The following RFC3 variants were observed in gnomAD, a reference collection of about 807,000 sequenced individuals.
RFC3 encodes replication factor C subunit 3, also known as A1 38 kDa subunit.
A neutral mutation model predicts 45.1 loss-of-function variants in RFC3; 41 were observed. The observed-to-expected ratio is 0.91, with a 90% CI of 0.71 to 1.18. The LOEUF (loss-of-function observed/expected upper bound fraction) is 1.18, where lower values mean the gene tolerates loss of function less well. Among genes scored for constraint, RFC3 ranks in the 50% most tolerant of loss-of-function variants. The probability of loss-of-function intolerance (pLI) is 0.00; values close to 1 mark genes in which losing one functional copy is unlikely to be tolerated. For synonymous variants in RFC3, 149 were observed against 144.0 expected (o/e 1.03, Z -0.25); for missense variants, 423 against 428.1 (o/e 0.99, Z 0.10).
In RFC3 at chr13:33,898,569, A is replaced by G. The variant is rs1443908520; in HGVS notation, c.879+63352A>G. On this transcript the variant is annotated intron_variant, in intron 8 of 8. Transcript: ENST00000434425. ...TATCAATAAAGTAGAAAGACTTTAA[A>G]TAAACAACTTAATGATGTACCTCAA... Among the ~76,000 whole-genome samples the G allele has an allele frequency of 2.0e-5, 3 of 152,002 alleles. No individual in the cohort carries two copies. In the East Asian group the frequency reaches 5.8e-4, roughly 29 times the overall value.
chr13:33,887,988 A>G (rs1017866556), intron 8 of RFC3, among the ~76,000 whole-genome samples: 7 of 152,178 alleles, frequency 4.6e-5, no homozygotes, highest in Admixed American at 3.9e-4. Flanking sequence ...ATTGATCGAC[A>G]TCTCTGTTTT....
chr13:33,947,248 A>C (rs941163830), intron 8 of RFC3, among the ~76,000 whole-genome samples: 8 of 152,160 alleles, frequency 5.3e-5, no homozygotes, highest in African/African-American at 1.9e-4. Context: ...TCTCATGATA[A>C]TGAGTGAGTC....
chr13:33,917,722 C>A (rs2082742030), intron 8 of RFC3, among the ~76,000 whole-genome samples: 1 of 152,046 alleles, frequency 6.6e-6, no homozygotes, highest in Non-Finnish European at 1.5e-5. Context: ...TCTGGGATTG[C>A]AAACCTTTCC....
At chr13:33,949,938 C>A (rs2082978394) in intron 8 of RFC3, among the ~76,000 whole-genome samples, 1 of 152,148 alleles carries the variant, frequency 6.6e-6, no homozygotes, top group Admixed American at 6.5e-5. Context: ...TCCTGGGTCT[C>A]AAGCCTGCTG....
intron 8 of RFC3, among the ~76,000 whole-genome samples, chr13:33,925,020 C>CTATATATATACATATATATAGTGTACA (rs2082794689): frequency 2.7e-5 from 4 of 149,328 alleles, no homozygotes; most frequent in Non-Finnish European, 4.5e-5. Flanking sequence ...AATCATTTCA[C>CTATATATATACATATATATAGTGTACA]TATATATATA....
Position 33,869,238 on chromosome 13 carries a change from A to G in RFC3, c.879+34021A>G, listed in dbSNP as rs146292442. 8.1e-3 allele frequency among the ~76,000 whole-genome samples: 1,241 copies of G among 152,288 alleles called. 13 individuals are homozygous for G. The highest frequency in any genetic ancestry group is 0.012 in the Non-Finnish European group (812 of 68,028). ...TAATGACACAATATCCTTTTGGCAA[A>G]TGCCTTTTCTGCTTCATTAAGTTAG... On this transcript the variant is annotated intron_variant, in intron 8 of 8. Transcript: ENST00000434425.
intron 8 of RFC3, among the ~76,000 whole-genome samples, chr13:33,906,515 T>C (rs200262190): frequency 1.0e-5 from 1 of 97,208 alleles, no homozygotes; most frequent in African/African-American, 1.2e-4. Flanking sequence ...CTCAAATTAT[T>C]ATTTTAATAG....
chr13:33,841,442 G>T (rs886094386), downstream of RFC3, among the ~76,000 whole-genome samples: 1 of 152,190 alleles, frequency 6.6e-6, no homozygotes, highest in African/African-American at 2.4e-5. Flanking sequence ...TAAAGCTGTG[G>T]TTGCCCTCAA....
chr13:33,838,244 T>C (rs2082172461), downstream of RFC3, among the ~76,000 whole-genome samples: 1 of 152,228 alleles, frequency 6.6e-6, no homozygotes, highest in Non-Finnish European at 1.5e-5. Flanking sequence ...GAAATGCCCT[T>C]TTTTATTTCT....
intron 2 of RFC3, 71 bp downstream of exon 2, chr13:33,821,340 C>G: frequency 6.9e-7 from 1 of 1,452,490 alleles, no homozygotes; most frequent in South Asian, 1.2e-5. Context: ...ATGTATGTCC[C>G]CCCAACTCAG....
At chr13:33,870,985 C>T (rs931355749) in intron 8 of RFC3, among the ~76,000 whole-genome samples, 2 of 152,146 alleles carry the variant, frequency 1.3e-5, no homozygotes, top group African/African-American at 4.8e-5. Flanking sequence ...CACACTGTGT[C>T]CCCTGTAGAC....
intron 8 of RFC3, among the ~76,000 whole-genome samples, chr13:33,857,673 C>T (rs916358374): frequency 6.6e-6 from 1 of 152,146 alleles, no homozygotes; most frequent in South Asian, 2.1e-4. Flanking sequence ...CTCATTAAAA[C>T]CCAGTGTGGT....
intron 8 of RFC3, among the ~76,000 whole-genome samples, chr13:33,861,417 C>T (rs1405634254): frequency 6.6e-6 from 1 of 152,058 alleles, no homozygotes; most frequent in Non-Finnish European, 1.5e-5. Context: ...CGCCTGAGGT[C>T]AGGAGTTTGA....
At chr13:33,901,015 A>G (rs542905559) in intron 8 of RFC3, among the ~76,000 whole-genome samples, 1 of 152,030 alleles carries the variant, frequency 6.6e-6, no homozygotes, top group East Asian at 1.9e-4. Flanking sequence ...CTTCAATTAA[A>G]ATGAATTTTA....
chr13:33,910,159 C>T (rs1051489274), intron 8 of RFC3, among the ~76,000 whole-genome samples: 1 of 152,036 alleles, frequency 6.6e-6, no homozygotes, highest in East Asian at 1.9e-4. Flanking sequence ...ACCCAATTAT[C>T]TAACATTTAC....
chr13:33,969,938 A>G (rs369684649), downstream of RFC3, among the ~76,000 whole-genome samples: 1 of 110,626 alleles, frequency 9.0e-6, no homozygotes. Context: ...TTCAACTTTT[A>G]TTTTATGTTC....
At chr13:33,835,453 T>C in intron 8 of RFC3, 1 of 682,356 alleles carries the variant, frequency 1.5e-6, no homozygotes, top group East Asian at 2.9e-5. Context: ...GGAGAACAAA[T>C]AAAGAAGAGA....
chr13:33,928,929 A>G (rs2082834389), intron 8 of RFC3, among the ~76,000 whole-genome samples: 1 of 152,128 alleles, frequency 6.6e-6, no homozygotes, highest in Non-Finnish European at 1.5e-5. Context: ...TTTGGCCCTG[A>G]TCTGGGATTC....
chr13:33,947,767 A>C (rs1214057666), intron 8 of RFC3, among the ~76,000 whole-genome samples: 1 of 152,158 alleles, frequency 6.6e-6, no homozygotes, highest in African/African-American at 2.4e-5. Context: ...ACCTCTTGGG[A>C]ACTGGAGCAT....
Sources: gnomAD v4.1 joint callset for allele counts (sites outside exome capture counted in the v4.1 genomes callset) on GRCh38, gnomAD v4.1.1 for gene constraint, MANE v1.5 for transcripts, NCBI Gene and HGNC (gene_info 2026-07-23, HGNC 2026-07-21) for gene names.